The following TSC22D1 variants were observed in gnomAD, a reference collection of about 807,000 sequenced individuals.
TSC22D1 encodes the protein TSC22 domain family member 1.
Under a neutral mutation model 74.2 loss-of-function variants are expected in TSC22D1, and 9 were observed. The ratio of observed to expected loss-of-function variants is 0.12; its 90% CI spans 0.07 to 0.21. The LOEUF (loss-of-function observed/expected upper bound fraction) is 0.21. TSC22D1 is among the 10% of genes least tolerant of loss of function. The probability of loss-of-function intolerance (pLI) is 1.00; values close to 1 mark genes in which losing one functional copy is unlikely to be tolerated. For missense variants in TSC22D1, 1,427 were observed against 1,304.7 expected, an observed-to-expected ratio of 1.09 and a Z score of -1.44; for synonymous variants, 586 against 492.5, an observed-to-expected ratio of 1.19 and a Z score of -2.51.
chr13:44,489,850 C>A (rs1421063920), intron 1 of TSC22D1, among the ~76,000 whole-genome samples: 1 of 152,062 alleles, frequency 6.6e-6, no homozygotes, highest in South Asian at 2.1e-4. Flanking sequence ...CTACACACCA[C>A]CAAGATGGCC....
intron 1 of TSC22D1, among the ~76,000 whole-genome samples, chr13:44,558,560 C>T (rs573075497): frequency 6.3e-4 from 95 of 151,908 alleles, no homozygotes; most frequent in Non-Finnish European, 1.1e-3. Context: ...GCCAAGATGA[C>T]GAAACCCCAT....
At chr13:44,456,245 G>A (rs141452431) in intron 1 of TSC22D1, among the ~76,000 whole-genome samples, 36 of 152,310 alleles carry the variant, frequency 2.4e-4, no homozygotes, top group Non-Finnish European at 3.2e-4. Context: ...CGGAGAAGAA[G>A]ACCCGAGCGG....
rs539791639 is a variant in TSC22D1, at chr13:44,453,525, T to G, written c.2913-17430A>C. 3.9e-5 allele frequency among the ~76,000 whole-genome samples: 6 copies of G among 152,364 alleles called. No homozygotes were observed. The South Asian group carries it at 8.3e-4, about 21-fold the overall frequency. On this transcript the variant is annotated intron_variant, in intron 1 of 2. Coordinates refer to ENST00000458659, the MANE Select transcript of TSC22D1 (RefSeq NM_183422.4). ...CTTGATGCAATAAAGCTTATTTTCATTAACACAAACAAATCTGATAGTGGT... is the reference window on the plus strand; with the variant it reads ...CTTGATGCAATAAAGCTTATTTTCAGTAACACAAACAAATCTGATAGTGGT...
chr13:44,523,759 T>G (rs1480370944), intron 1 of TSC22D1, among the ~76,000 whole-genome samples: 1 of 152,094 alleles, frequency 6.6e-6, no homozygotes, highest in Non-Finnish European at 1.5e-5. Flanking sequence ...ATTGTAACAA[T>G]ATAAGTAGAC....
At chr13:44,535,271 A>G (rs1020725242) in intron 1 of TSC22D1, among the ~76,000 whole-genome samples, 6 of 152,066 alleles carry the variant, frequency 3.9e-5, no homozygotes, top group Non-Finnish European at 8.8e-5. Flanking sequence ...TAATTCCTGA[A>G]AACTCCGATG....
chr13:44,472,368 C>A (rs1348754409), intron 1 of TSC22D1, among the ~76,000 whole-genome samples: 1 of 152,104 alleles, frequency 6.6e-6, no homozygotes, highest in African/African-American at 2.4e-5. Context: ...GAGAACTGTT[C>A]CTTTTTTTTC....
Position 44,433,966 on chromosome 13 carries a change from T to C in TSC22D1, c.*660A>G, listed in dbSNP as rs1329976529. 2.6e-6 allele frequency: 4 copies of C among 1,532,318 alleles called. No homozygotes were observed. The East Asian group carries it at 7.3e-5, about 28-fold the overall frequency. The allele number at this position is 1,532,318 out of a possible 1,614,324, so 94.9% of individuals were successfully genotyped here. ...CCTCTATTGTACAAAATAGTTACAC[T>C]ACATACACAAATATACAATAAGCAA... On this transcript the variant is annotated 3_prime_UTR_variant, in exon 3 of 3. Coordinates refer to ENST00000458659, the MANE Select transcript of TSC22D1 (RefSeq NM_183422.4).
At chr13:44,539,257 C>T in intron 1 of TSC22D1, 1 of 985,186 alleles carries the variant, frequency 1.0e-6, no homozygotes, top group Non-Finnish European at 1.2e-6. Flanking sequence ...ACAGTAAAAC[C>T]ATAATAGTAC....
At chr13:44,539,944 T>C (rs1244093906) in intron 1 of TSC22D1, 1 of 1,286,946 alleles carries the variant, frequency 7.8e-7, no homozygotes, top group Non-Finnish European at 1.0e-6. Context: ...GAGCTGAATA[T>C]AGATTTAAGG....
intron 2 of TSC22D1, chr13:44,435,822 T>C: frequency 1.7e-6 from 1 of 583,782 alleles, no homozygotes; most frequent in Non-Finnish European, 3.1e-6. Flanking sequence ...GTGAAACCAG[T>C]CCGGGGAAGA....
At chr13:44,570,164 A>G (rs1566181821) in intron 1 of TSC22D1, among the ~76,000 whole-genome samples, 1 of 150,728 alleles carries the variant, frequency 6.6e-6, no homozygotes, top group Non-Finnish European at 1.5e-5. Context: ...TTCACAGTTC[A>G]TGTTACAGTC....
At chr13:44,448,125 A>G (rs1875835625) in intron 1 of TSC22D1, among the ~76,000 whole-genome samples, 1 of 152,152 alleles carries the variant, frequency 6.6e-6, no homozygotes. Context: ...AAAACATCTG[A>G]AGAAGTGACA....
chr13:44,495,227 A>C lies in TSC22D1; in HGVS notation c.2913-59132T>G, dbSNP rs144323650. On this transcript the variant is annotated intron_variant, in intron 1 of 2. Transcript: ENST00000458659. Reference sequence around the variant, plus strand: ...GGCCAAAAACTTCCCAAATTTGATAAGCCAATTTCTCAGCAGAAACTGTAT... The same window carrying C: ...GGCCAAAAACTTCCCAAATTTGATACGCCAATTTCTCAGCAGAAACTGTAT... Among the ~76,000 whole-genome samples the C allele has an allele frequency of 1.3e-3, 203 of 152,018 alleles. 1 individual carries two copies. Among genetic ancestry groups the C allele is most frequent in the African/African-American group, 4.5e-3 (187 of 41,480 alleles).
intron 1 of TSC22D1, among the ~76,000 whole-genome samples, chr13:44,549,778 A>G (rs1882096510): frequency 6.8e-6 from 1 of 146,464 alleles, no homozygotes; most frequent in Admixed American, 6.8e-5. Flanking sequence ...AAAAAAAAGA[A>G]AAAAAAAAAA....
rs774052894 is a variant in TSC22D1, at chr13:44,434,935, CTT to C, written c.2965-54_2965-53del. ...CTCATTATTTGGTATTTTCTGGACTCTTTTGAGTTTCCAAGACATTATTTTAC... is the reference window on the plus strand; with the variant it reads ...CTCATTATTTGGTATTTTCTGGACTCTTGAGTTTCCAAGACATTATTTTAC... On this transcript the variant is annotated intron_variant, in intron 2 of 2. Transcript: ENST00000458659. 42 of 1,475,798 alleles carry C rather than the reference CTT, an allele frequency of 2.8e-5. No individual in the cohort carries two copies. The South Asian group carries it at 4.6e-4, about 16-fold the overall frequency. The allele number at this position is 1,475,798 out of a possible 1,614,324, so 91.4% of individuals were successfully genotyped here.
intron 1 of TSC22D1, among the ~76,000 whole-genome samples, chr13:44,562,065 G>C (rs1344172212): frequency 6.6e-6 from 1 of 152,008 alleles, no homozygotes; most frequent in Non-Finnish European, 1.5e-5. Context: ...TTTGAGACAA[G>C]GTCTCACTCT....
intron 1 of TSC22D1, among the ~76,000 whole-genome samples, chr13:44,470,523 G>C (rs917951813): frequency 6.6e-6 from 1 of 152,106 alleles, no homozygotes; most frequent in Admixed American, 6.6e-5. Context: ...CCTTAAAGTT[G>C]CTCCATGAGC....
At chr13:44,507,508 T>A (rs1313117099) in intron 1 of TSC22D1, among the ~76,000 whole-genome samples, 7 of 152,106 alleles carry the variant, frequency 4.6e-5, no homozygotes, top group Non-Finnish European at 8.8e-5. Context: ...ATGTATGTAT[T>A]GATGCTAGCC....
intron 1 of TSC22D1, among the ~76,000 whole-genome samples, chr13:44,476,407 T>C (rs1318262478): frequency 6.6e-6 from 1 of 151,706 alleles, no homozygotes; most frequent in East Asian, 1.9e-4. Context: ...AATAATGAAG[T>C]GATTTTTTTC....
Sources: gnomAD v4.1 joint callset for allele counts (sites outside exome capture counted in the v4.1 genomes callset) on GRCh38, gnomAD v4.1.1 for gene constraint, MANE v1.5 for transcripts, NCBI Gene and HGNC (gene_info 2026-07-23, HGNC 2026-07-21) for gene names.